Variants in PTPRO observed in about 807,000 individuals in gnomAD.
The protein encoded by PTPRO is protein tyrosine phosphatase receptor type O, also known as receptor-type tyrosine-protein phosphatase O.
A neutral mutation model predicts 145.2 loss-of-function variants in PTPRO; 62 were observed. That is an observed-to-expected ratio of 0.43 (90% CI 0.35 to 0.53). PTPRO has a LOEUF of 0.53. PTPRO is among the 20% of genes least tolerant of loss of function. The pLI is 0.01. For synonymous variants in PTPRO, 565 were observed against 514.7 expected (o/e 1.10, Z -1.32); for missense variants, 1,345 against 1,482.7 (o/e 0.91, Z 1.53).
chr12:15,370,529 C>A (rs78731065), intron 1 of PTPRO, among the ~76,000 whole-genome samples: 2 of 152,166 alleles, frequency 1.3e-5, no homozygotes, highest in East Asian at 3.9e-4. Flanking sequence ...ATTTTAATCT[C>A]CTGTATGTCA....
In PTPRO at chr12:15,501,618, A is replaced by G. The variant is rs1253581066; in HGVS notation, c.662-2A>G. 5 of 1,611,032 alleles carry G rather than the reference A, an allele frequency of 3.1e-6. No individual in the cohort carries two copies. Among genetic ancestry groups the G allele is most frequent in the Non-Finnish European group, 4.2e-6 (5 of 1,177,284 alleles). ...TGAAAATGAAAATTCTCTCTCTTAC[A>G]GCCCCTTATCCACCTCAAAATATTT... On this transcript the variant is annotated splice_acceptor_variant, in intron 4 of 26. Coordinates refer to ENST00000281171, the MANE Select transcript of PTPRO (RefSeq NM_030667.3). LOFTEE classifies it high-confidence loss of function.
At chr12:15,369,778 A>T (rs1938468393) in intron 1 of PTPRO, among the ~76,000 whole-genome samples, 1 of 152,134 alleles carries the variant, frequency 6.6e-6, no homozygotes, top group Admixed American at 6.6e-5. Flanking sequence ...CTGGCTGGGC[A>T]TGGTGGCTCA....
chr12:15,346,628 AT>A (rs1247517747), intron 1 of PTPRO: 1 of 152,226 alleles, frequency 6.6e-6, no homozygotes, highest in African/African-American at 2.4e-5. Flanking sequence ...CGAATGGTCT[AT>A]TTGGTGTAGA....
At chr12:15,421,758 T>C (rs1027800451) in intron 1 of PTPRO, among the ~76,000 whole-genome samples, 2 of 152,230 alleles carry the variant, frequency 1.3e-5, no homozygotes, top group African/African-American at 4.8e-5. Flanking sequence ...TAAAGCCCTG[T>C]GACACCTAGT....
chr12:15,540,476 G>A (rs1943159077), intron 12 of PTPRO, among the ~76,000 whole-genome samples: 1 of 152,110 alleles, frequency 6.6e-6, no homozygotes, highest in South Asian at 2.1e-4. Context: ...TACCAATGTT[G>A]CACATTTGTA....
intron 1 of PTPRO, among the ~76,000 whole-genome samples, chr12:15,364,369 A>G (rs913985971): frequency 1.3e-5 from 2 of 152,162 alleles, no homozygotes; most frequent in Admixed American, 6.6e-5. Context: ...TCTACAAATA[A>G]ATCACTGTAG....
At chr12:15,530,968 C>T (rs73311912) in intron 12 of PTPRO, among the ~76,000 whole-genome samples, 2,339 of 151,922 alleles carry the variant, frequency 0.015, 60 homozygotes, top group African/African-American at 0.054. Flanking sequence ...AATCAACAAA[C>T]CTTTAACTAG....
chr12:15,545,716 C>T (rs1420278937), intron 12 of PTPRO, among the ~76,000 whole-genome samples: 1 of 151,898 alleles, frequency 6.6e-6, no homozygotes, highest in Non-Finnish European at 1.5e-5. Flanking sequence ...TTCCAATCCC[C>T]TCCTATCAAT....
At chr12:15,506,040 A>G (rs1420631622) in intron 6 of PTPRO, among the ~76,000 whole-genome samples, 1 of 152,124 alleles carries the variant, frequency 6.6e-6, no homozygotes, top group African/African-American at 2.4e-5. Flanking sequence ...TAAGATTATA[A>G]CTCAGGAATA....
Position 15,389,090 on chromosome 12 carries a change from AAAAT to A in PTPRO, c.75+66297_75+66300del, listed in dbSNP as rs1939113759. On this transcript the variant is annotated intron_variant, in intron 1 of 26. Coordinates refer to ENST00000281171, the MANE Select transcript of PTPRO (RefSeq NM_030667.3). ...GATGACAGAGCAAGACCCTGTCTCG[AAAAT>A]AAATAAAGAATTTTTTTTTTTTTTT... is the stretch of plus-strand genomic sequence containing the variant. 2.7e-5 allele frequency among the ~76,000 whole-genome samples: 4 copies of A among 150,776 alleles called. No homozygotes were observed. The South Asian group carries it at 8.4e-4, about 32-fold the overall frequency.
At chr12:15,387,990 G>C (rs1254890225) in intron 1 of PTPRO, among the ~76,000 whole-genome samples, 1 of 152,056 alleles carries the variant, frequency 6.6e-6, no homozygotes, top group Non-Finnish European at 1.5e-5. Flanking sequence ...TGATTTATGT[G>C]AATTGTGACA....
intron 2 of PTPRO, among the ~76,000 whole-genome samples, chr12:15,493,815 C>A (rs1012328028): frequency 6.6e-6 from 1 of 152,140 alleles, no homozygotes; most frequent in South Asian, 2.1e-4. Flanking sequence ...AGGCGACATG[C>A]CGCAAACATT....
intron 1 of PTPRO, among the ~76,000 whole-genome samples, chr12:15,462,955 C>A (rs1941338456): frequency 1.3e-5 from 2 of 151,886 alleles, no homozygotes; most frequent in Admixed American, 1.3e-4. Context: ...TTTCTTATTC[C>A]AATGAAACAA....
chr12:15,369,635 C>A (rs1056600450), intron 1 of PTPRO, among the ~76,000 whole-genome samples: 2 of 152,144 alleles, frequency 1.3e-5, no homozygotes, highest in Non-Finnish European at 2.9e-5. Context: ...TATGCTCAAG[C>A]TTTTTATGGA....
At chr12:15,378,811 A>T (rs1399570803) in intron 1 of PTPRO, among the ~76,000 whole-genome samples, 1 of 152,208 alleles carries the variant, frequency 6.6e-6, no homozygotes, top group Non-Finnish European at 1.5e-5. Context: ...AAGAATCTGT[A>T]TCTTGAATAT....
chr12:15,381,169 G>C (rs1433575508), intron 1 of PTPRO, among the ~76,000 whole-genome samples: 1 of 152,108 alleles, frequency 6.6e-6, no homozygotes, highest in Non-Finnish European at 1.5e-5. Flanking sequence ...GTTTATATTA[G>C]CTAAATATTC....
intron 1 of PTPRO, chr12:15,440,494 G>A (rs373485866): frequency 8.3e-5 from 15 of 181,534 alleles, no homozygotes; most frequent in Admixed American, 5.1e-4. Context: ...CCCATCTTAC[G>A]TGTAAAGACA....
chr12:15,527,877 C>CCGCCCACCACCCCCT, intron 12 of PTPRO, among the ~76,000 whole-genome samples: 2 of 149,192 alleles, frequency 1.3e-5, no homozygotes, highest in Middle Eastern at 6.8e-3. Context: ...GAACTGTGAC[C>CCGCCCACCACCCCCT]CGCCCACGCT....
intron 1 of PTPRO, among the ~76,000 whole-genome samples, chr12:15,388,909 T>A (rs1939107160): frequency 6.6e-6 from 1 of 152,044 alleles, no homozygotes; most frequent in African/African-American, 2.4e-5. Flanking sequence ...AGTGTTCATT[T>A]TTTCTCCATT....
Sources: allele counts gnomAD v4.1 joint callset (sites outside exome capture counted in the v4.1 genomes callset), GRCh38; gene constraint gnomAD v4.1.1; transcripts MANE v1.5; gene names NCBI Gene and HGNC (gene_info 2026-07-23, HGNC 2026-07-21).